CNTNAP2: variants seen among roughly 807,000 people sequenced by gnomAD.
CNTNAP2 encodes contactin-associated protein-like 2.
CNTNAP2 carries 98 observed loss-of-function variants against 155.2 expected under a neutral mutation model. That is an observed-to-expected ratio of 0.63 (90% CI 0.54 to 0.75). CNTNAP2 has a LOEUF of 0.75. CNTNAP2 is among the 30% of genes least tolerant of loss of function. CNTNAP2 has a pLI of 0.00. For missense variants in CNTNAP2, 1,727 were observed against 1,688.1 expected (o/e 1.02, Z -0.40); for synonymous variants, 651 against 631.2 (o/e 1.03, Z -0.47).
chr7:146,509,100 G>C (rs1020986236), intron 1 of CNTNAP2, among the ~76,000 whole-genome samples: 3 of 152,196 alleles, frequency 2.0e-5, no homozygotes, highest in Non-Finnish European at 4.4e-5. Flanking sequence ...TGGGAGGTAA[G>C]GTGTTCATCA....
At chr7:146,600,637 T>A (rs1563151583) in intron 1 of CNTNAP2, among the ~76,000 whole-genome samples, 2 of 152,266 alleles carry the variant, frequency 1.3e-5, no homozygotes, top group East Asian at 3.9e-4. Context: ...TATCCAGGCA[T>A]GCGTATGTAT....
At chr7:147,537,294 T>TCTAG (rs1799559963) in intron 11 of CNTNAP2, among the ~76,000 whole-genome samples, 1 of 128,658 alleles carries the variant, frequency 7.8e-6, no homozygotes, top group Non-Finnish European at 1.7e-5. Context: ...ATTTTGATTA[T>TCTAG]TAAGCATTCA....
At chr7:147,772,446 C>CTATATATATATATATATATA (rs58027241) in intron 13 of CNTNAP2, among the ~76,000 whole-genome samples, 2 of 63,732 alleles carry the variant, frequency 3.1e-5, no homozygotes, top group Non-Finnish European at 5.5e-5. Flanking sequence ...CTCTCTCTCG[C>CTATATATATATATATATATA]TATATATATA....
At position 147,965,719 on chromosome 7, in the gene CNTNAP2, C is replaced by T. The variant is rs1178764063; in HGVS notation, c.2256-12143C>T. On this transcript the variant is annotated intron_variant, in intron 14 of 23. Transcript: ENST00000361727. ...TTTTCAACTTCTTTGGTTCATTCTT[C>T]TTCTTTCATGCTGACACTGACAGTG... is the stretch of plus-strand genomic sequence containing the variant. Among the ~76,000 whole-genome samples the T allele has an allele frequency of 2.0e-5, 3 of 152,188 alleles. No individual in the cohort carries two copies. The East Asian group carries it at 5.8e-4, about 29-fold the overall frequency.
intron 14 of CNTNAP2, among the ~76,000 whole-genome samples, chr7:147,953,897 G>A (rs1458705635): frequency 6.6e-6 from 1 of 152,012 alleles, no homozygotes; most frequent in Non-Finnish European, 1.5e-5. Flanking sequence ...ATTGGATTAG[G>A]GCCCATCTTA....
chr7:146,693,069 T>A (rs1444368491), intron 1 of CNTNAP2, among the ~76,000 whole-genome samples: 2 of 152,094 alleles, frequency 1.3e-5, no homozygotes, highest in African/African-American at 4.8e-5. Context: ...CTTGAAGAAA[T>A]CACTTGATAT....
chr7:146,535,326 TATATTATATAATGCATATTATATATG>T (rs1554445240), intron 1 of CNTNAP2, among the ~76,000 whole-genome samples: 1 of 63,326 alleles, frequency 1.6e-5, no homozygotes, highest in East Asian at 4.9e-4. Flanking sequence ...ATATATATTA[TATATTATATAATGCATATTATATATG>T]ATATTATATA....
At chr7:147,302,123 T>A (rs1794956008) in intron 9 of CNTNAP2, among the ~76,000 whole-genome samples, 1 of 152,194 alleles carries the variant, frequency 6.6e-6, no homozygotes, top group Non-Finnish European at 1.5e-5. Context: ...AACAACTCAA[T>A]AGCCAAACTG....
chr7:147,035,154 G>A (rs1799130129), intron 3 of CNTNAP2, among the ~76,000 whole-genome samples: 1 of 152,180 alleles, frequency 6.6e-6, no homozygotes. Flanking sequence ...AGGGGATTGA[G>A]GGGTGGCGAG....
At chr7:147,562,306 C>G in intron 12 of CNTNAP2, 49 bp downstream of exon 12, 1 of 1,609,502 alleles carries the variant, frequency 6.2e-7, no homozygotes, top group Non-Finnish European at 8.5e-7. Context: ...CTATATGTCA[C>G]GAATAAGTAG....
intron 14 of CNTNAP2, among the ~76,000 whole-genome samples, chr7:147,977,621 C>A (rs1159890281): frequency 1.3e-5 from 2 of 152,158 alleles, no homozygotes; most frequent in Non-Finnish European, 2.9e-5. Flanking sequence ...GGTTGTGAAT[C>A]TCTGGAAATC....
intron 4 of CNTNAP2, among the ~76,000 whole-genome samples, chr7:147,101,286 G>C (rs985600848): frequency 2.6e-5 from 4 of 152,194 alleles, no homozygotes; most frequent in Non-Finnish European, 4.4e-5. Flanking sequence ...TCTGTGTGAT[G>C]GTTTTAAGAC....
chr7:147,006,850 C>G (rs1798534758), intron 3 of CNTNAP2, among the ~76,000 whole-genome samples: 1 of 151,920 alleles, frequency 6.6e-6, no homozygotes, highest in South Asian at 2.1e-4. Flanking sequence ...AAGAATTCTG[C>G]CAAGTGACAC....
At chr7:147,283,796 G>A (rs34209664) in intron 8 of CNTNAP2, among the ~76,000 whole-genome samples, 5,210 of 151,884 alleles carry the variant, frequency 0.034, 123 homozygotes, top group Non-Finnish European at 0.052. Flanking sequence ...ACAACTTGGC[G>A]TTAAATCACA....
intron 4 of CNTNAP2, among the ~76,000 whole-genome samples, chr7:147,049,645 G>A (rs756094412): frequency 2.0e-5 from 3 of 152,142 alleles, no homozygotes; most frequent in Middle Eastern, 3.2e-3. Context: ...GATCCTGCCC[G>A]TGGAAGAGAG....
chr7:146,215,853 T>C (rs971649687), intron 1 of CNTNAP2, among the ~76,000 whole-genome samples: 1 of 152,162 alleles, frequency 6.6e-6, no homozygotes, highest in Non-Finnish European at 1.5e-5. Context: ...CGCATTTGCT[T>C]TGATAAATAA....
chr7:146,630,530 G>C (rs1284534206), intron 1 of CNTNAP2, among the ~76,000 whole-genome samples: 1 of 152,034 alleles, frequency 6.6e-6, no homozygotes, highest in Non-Finnish European at 1.5e-5. Context: ...GGTATTTCTG[G>C]TTTTAGATTT....
At chr7:147,032,243 T>A (rs1359887085) in intron 3 of CNTNAP2, among the ~76,000 whole-genome samples, 2 of 152,236 alleles carry the variant, frequency 1.3e-5, no homozygotes, top group Non-Finnish European at 2.9e-5. Flanking sequence ...CTATTCATTA[T>A]AAAATGTATT....
chr7:147,320,059 G>A (rs1295788744), intron 9 of CNTNAP2, among the ~76,000 whole-genome samples: 2 of 152,126 alleles, frequency 1.3e-5, no homozygotes, highest in African/African-American at 4.8e-5. Flanking sequence ...ACAAGTGGTG[G>A]ATTGCATCTA....
Sources: gnomAD v4.1 joint callset for allele counts (sites outside exome capture counted in the v4.1 genomes callset) on GRCh38, gnomAD v4.1.1 for gene constraint, MANE v1.5 for transcripts, NCBI Gene and HGNC (gene_info 2026-07-23, HGNC 2026-07-21) for gene names.